The following TNS3 variants were observed in gnomAD, a reference collection of about 807,000 sequenced individuals.
The protein encoded by TNS3 is tensin-3.
A neutral mutation model predicts 140.9 loss-of-function variants in TNS3; 45 were observed. The ratio of observed to expected loss-of-function variants is 0.32; its 90% CI spans 0.25 to 0.41. The LOEUF (loss-of-function observed/expected upper bound fraction) is 0.41. TNS3 is among the 10% of genes least tolerant of loss of function. TNS3 has a pLI of 1.00. For synonymous variants in TNS3, 815 were observed against 788.4 expected (o/e 1.03, Z -0.56); for missense variants, 1,716 against 1,906.7 (o/e 0.90, Z 1.86).
Position 47,488,391 on chromosome 7 carries a change from G to A in TNS3, c.-114-7250C>T, listed in dbSNP as rs762407615. 1.2e-4 allele frequency among the ~76,000 whole-genome samples: 18 copies of A among 152,172 alleles called. No homozygotes were observed. The South Asian group carries it at 2.3e-3, about 19-fold the overall frequency. ...AGAATGGGCAGCTGACACCACAGCC[G>A]TTTATCCTCCCATAGTCCTGGAGGC... On this transcript the variant is annotated intron_variant, in intron 3 of 30. Transcript: ENST00000311160.
Position 47,348,513 on chromosome 7 carries a change from A to G in TNS3, c.2282-2157T>C, listed in dbSNP as rs1584455305. Among the ~76,000 whole-genome samples, 5 of 152,256 alleles carry G rather than the reference A, an allele frequency of 3.3e-5. No individual in the cohort carries two copies. The South Asian group carries it at 1.0e-3, about 32-fold the overall frequency. ...CAAGATAATATGTGGTGTTTTATCA[A>G]AAATGACATGGCAGTATCATTCCAA... is the stretch of plus-strand genomic sequence containing the variant. On this transcript the variant is annotated intron_variant, in intron 17 of 30. Transcript: ENST00000311160.
At chr7:47,393,340 A>G (rs1792638851) in intron 16 of TNS3, among the ~76,000 whole-genome samples, 1 of 152,214 alleles carries the variant, frequency 6.6e-6, no homozygotes, top group African/African-American at 2.4e-5. Context: ...GACACGCCAG[A>G]CAGCACGTGG....
intron 24 of TNS3, among the ~76,000 whole-genome samples, chr7:47,294,337 C>T (rs545520177): frequency 5.3e-5 from 8 of 152,296 alleles, no homozygotes; most frequent in Admixed American, 2.6e-4. Context: ...CTCAGCTGCA[C>T]GGGAGCAGCA....
At chr7:47,569,068 T>C (rs1221237445) in intron 1 of TNS3, among the ~76,000 whole-genome samples, 5 of 152,242 alleles carry the variant, frequency 3.3e-5, no homozygotes, top group Non-Finnish European at 7.3e-5. Context: ...ATGTATTATA[T>C]GAACCCAAAC....
In TNS3 at chr7:47,318,766, C is replaced by T. The variant is rs373002092; in HGVS notation, c.2651-13763G>A. 1.7e-4 allele frequency among the ~76,000 whole-genome samples: 26 copies of T among 152,282 alleles called. No homozygotes were observed. In the East Asian group the frequency reaches 3.5e-3, roughly 20 times the overall value. On this transcript the variant is annotated intron_variant, in intron 20 of 30. Transcript: ENST00000311160. ...CCATAATGTATACACCACGTCCACACAGGAGTGGACAGCGGTCAGAGAAAG... is the reference window on the plus strand; with the variant it reads ...CCATAATGTATACACCACGTCCACATAGGAGTGGACAGCGGTCAGAGAAAG...
intron 20 of TNS3, among the ~76,000 whole-genome samples, chr7:47,334,137 A>G (rs780075644): frequency 4.6e-5 from 7 of 152,118 alleles, no homozygotes; most frequent in African/African-American, 1.7e-4. Flanking sequence ...TTGTGAGCCA[A>G]TGAGGACCAC....
intron 5 of TNS3, among the ~76,000 whole-genome samples, chr7:47,440,164 C>T (rs987316596): frequency 3.9e-5 from 6 of 152,214 alleles, no homozygotes; most frequent in East Asian, 1.9e-4. Flanking sequence ...TGTCCGTATG[C>T]GGCATCCTGG....
Position 47,570,308 on chromosome 7 carries a change from C to G in TNS3, c.-265+11743G>C, listed in dbSNP as rs1194012732. On this transcript the variant is annotated intron_variant, in intron 1 of 30. Transcript: ENST00000311160. The stretch of plus-strand genomic sequence containing the variant: ...TGAAGGAAACAAACCCCACAACACA[C>G]TCTGTCCAGAAAGAATATTCTTTTG... 2.0e-5 allele frequency among the ~76,000 whole-genome samples: 3 copies of G among 152,264 alleles called. No homozygotes were observed. The East Asian group carries it at 5.8e-4, about 29-fold the overall frequency.
At position 47,320,543 on chromosome 7, in the gene TNS3, G is replaced by A. The variant is rs191245545; in HGVS notation, c.2651-15540C>T. Among the ~76,000 whole-genome samples, 142 of 152,278 alleles carry A rather than the reference G, an allele frequency of 9.3e-4. 1 individual carries two copies. Among genetic ancestry groups the A allele is most frequent in the African/African-American group, 3.1e-3 (128 of 41,542 alleles). On this transcript the variant is annotated intron_variant, in intron 20 of 30. Coordinates refer to ENST00000311160, the MANE Select transcript of TNS3 (RefSeq NM_022748.12). ...GGCATTGGCAGGGCTGGTTTCTCCCGAGGCTTCTCTCTGCGGTGCACAGAT... is the reference window on the plus strand; with the variant it reads ...GGCATTGGCAGGGCTGGTTTCTCCCAAGGCTTCTCTCTGCGGTGCACAGAT...
intron 14 of TNS3, among the ~76,000 whole-genome samples, 163 bp from the exon 15 acceptor site, chr7:47,400,621 AT>A (rs200645167): frequency 1.6e-4 from 25 of 152,312 alleles, no homozygotes; most frequent in East Asian, 5.8e-4. Context: ...GTTATCCATA[AT>A]TTTTTTCCCC....
intron 9 of TNS3, among the ~76,000 whole-genome samples, chr7:47,424,803 G>A (rs931736786): frequency 6.6e-6 from 1 of 152,200 alleles, no homozygotes; most frequent in Non-Finnish European, 1.5e-5. Context: ...CCTCGGGGCT[G>A]CAGCATTGTT....
chr7:47,316,641 C>T, intron 20 of TNS3, among the ~76,000 whole-genome samples: 1 of 150,636 alleles, frequency 6.6e-6, no homozygotes, highest in Admixed American at 6.6e-5. Context: ...CCAGCCTGGC[C>T]AACATTGTGA....
intron 3 of TNS3, among the ~76,000 whole-genome samples, chr7:47,493,339 C>T (rs7807888): frequency 0.07 from 10,625 of 152,158 alleles, 1,177 homozygotes; most frequent in African/African-American, 0.24. Context: ...TTAGCAGTTG[C>T]CTTCGAAATT....
intron 3 of TNS3, among the ~76,000 whole-genome samples, chr7:47,491,343 G>A (rs962779370): frequency 6.6e-6 from 1 of 152,192 alleles, no homozygotes. Context: ...ACTGAAATTA[G>A]GGCAAGCCCT....
At chr7:47,461,985 C>G (rs1003166314) in intron 4 of TNS3, among the ~76,000 whole-genome samples, 3 of 152,148 alleles carry the variant, frequency 2.0e-5, no homozygotes, top group Admixed American at 6.5e-5. Flanking sequence ...TATGTAAAAA[C>G]AGGACAGGGA....
chr7:47,421,541 G>C (rs190257538), intron 10 of TNS3, among the ~76,000 whole-genome samples: 1 of 151,994 alleles, frequency 6.6e-6, no homozygotes, highest in Admixed American at 6.6e-5. Context: ...CCAAAGAATC[G>C]GGATTACAGG....
chr7:47,405,471 CTT>C (rs1793393207), intron 13 of TNS3: 4 of 702,502 alleles, frequency 5.7e-6, no homozygotes, highest in Non-Finnish European at 1.0e-5. Flanking sequence ...AGGTCAAAGA[CTT>C]AAGTCAGGCA....
At chr7:47,365,326 T>C (rs1458096376) in intron 17 of TNS3, among the ~76,000 whole-genome samples, 1 of 151,792 alleles carries the variant, frequency 6.6e-6, no homozygotes, top group Admixed American at 6.6e-5. Context: ...ACGCCTGTAG[T>C]CCCAGCTACT....
intron 1 of TNS3, among the ~76,000 whole-genome samples, chr7:47,529,568 T>C (rs1799320527): frequency 6.6e-6 from 1 of 152,250 alleles, no homozygotes; most frequent in Non-Finnish European, 1.5e-5. Context: ...AACAGCATAA[T>C]TATGTTATGA....
Sources: allele counts gnomAD v4.1 joint callset (sites outside exome capture counted in the v4.1 genomes callset), GRCh38; gene constraint gnomAD v4.1.1; transcripts MANE v1.5; gene names NCBI Gene and HGNC (gene_info 2026-07-23, HGNC 2026-07-21).